Variants in NEMF observed in about 807,000 individuals in gnomAD.
The protein encoded by NEMF is nuclear export mediator factor, also known as ribosome quality control complex subunit NEMF.
Under a neutral mutation model 162.2 loss-of-function variants are expected in NEMF, and 89 were observed. The ratio of observed to expected loss-of-function variants is 0.55; its 90% CI spans 0.46 to 0.65. The LOEUF is 0.65. NEMF is among the 30% of genes least tolerant of loss of function. NEMF has a pLI of 0.00. For missense variants in NEMF, 1,133 were observed against 1,261.9 expected (o/e 0.90, Z 1.55); for synonymous variants, 421 against 404.5 (o/e 1.04, Z -0.49).
chr14:49,834,024 T>C (rs1487747337), intron 7 of NEMF: 2 of 418,134 alleles, frequency 4.8e-6, no homozygotes, highest in East Asian at 1.3e-4. Flanking sequence ...TGATTTAGTA[T>C]ATTGCAGAAA....
chr14:49,800,799 C>G (rs1890918449), intron 22 of NEMF, 103 bp from the exon 23 acceptor site: 1 of 1,138,576 alleles, frequency 8.8e-7, no homozygotes, highest in Non-Finnish European at 1.2e-6. Context: ...CCATATTTCT[C>G]CAAAAAATCA....
At chr14:49,823,410 C>T (rs1391321296) in intron 16 of NEMF, among the ~76,000 whole-genome samples, 2 of 147,902 alleles carry the variant, frequency 1.4e-5, no homozygotes, top group Non-Finnish European at 3.0e-5. Flanking sequence ...ATTCCAAGAA[C>T]CAAAAAAAAA....
At chr14:49,842,165 C>G (rs1388674840) in intron 4 of NEMF, among the ~76,000 whole-genome samples, 1 of 150,074 alleles carries the variant, frequency 6.7e-6, no homozygotes, top group African/African-American at 2.4e-5. Flanking sequence ...CCCAAACAGC[C>G]TAAATGTAAA....
At chr14:49,847,424 G>C (rs556057504) in intron 3 of NEMF, among the ~76,000 whole-genome samples, 1 of 150,278 alleles carries the variant, frequency 6.7e-6, no homozygotes, top group East Asian at 2.0e-4. Flanking sequence ...GGCTGGTCTC[G>C]AACTCCTGAG....
chr14:49,804,770 C>G (rs1891113380), intron 19 of NEMF, among the ~76,000 whole-genome samples: 2 of 152,284 alleles, frequency 1.3e-5, no homozygotes, highest in South Asian at 4.1e-4. Context: ...CTAGCTCATG[C>G]CTGTAATCCC....
chr14:49,793,951 G>A (rs1272313169), intron 26 of NEMF, among the ~76,000 whole-genome samples: 1 of 151,250 alleles, frequency 6.6e-6, no homozygotes, highest in Non-Finnish European at 1.5e-5. Context: ...AATTTTACTG[G>A]TGGTTCTTTA....
intron 29 of NEMF, 85 bp from the exon 30 acceptor site, chr14:49,785,405 A>G (rs147956886): frequency 5.5e-5 from 48 of 874,392 alleles, no homozygotes; most frequent in African/African-American, 4.7e-4. Flanking sequence ...GTATCTCAAC[A>G]TATTTTTTAT....
chr14:49,806,043 G>T lies in NEMF; in HGVS notation c.1835C>A (p.Ala612Asp). The change falls in exon 19 of 33, where the codon GCT (alanine) becomes GAT (aspartate). Residue 612 changes from alanine to aspartate, a missense_variant. Coordinates refer to ENST00000298310, the MANE Select transcript of NEMF (RefSeq NM_004713.6). ...AAWDARVITS[A>D]WWVYHHQVSK... ...TACCTGATGATGGTACACCCACCAAGCACTAGTGATAACTCGTGCATCCCA... is the reference window on the plus strand; with the variant it reads ...TACCTGATGATGGTACACCCACCAATCACTAGTGATAACTCGTGCATCCCA... The T allele has an allele frequency of 6.2e-7, 1 of 1,610,220 alleles. No homozygotes were observed. The highest frequency in any genetic ancestry group is 8.5e-7 in the Non-Finnish European group (1 of 1,178,132).
Position 49,840,769 on chromosome 14 carries a change from C to T in NEMF, c.455G>A (p.Arg152His), listed in dbSNP as rs752902504. The T allele has an allele frequency of 3.1e-6, 5 of 1,613,816 alleles. No homozygotes were observed. The highest frequency in any genetic ancestry group is 1.1e-5 in the South Asian group (1 of 91,086). The change falls in exon 5 of 33, where the codon CGC becomes CAC. Residue 152 changes from arginine (R) to histidine (H), a missense_variant. Around this residue, in one of 3 missense-constraint regions of NEMF, gnomAD observed 582 missense variants for 631.5 expected, o/e 0.92. Coordinates refer to ENST00000298310, the MANE Select transcript of NEMF (RefSeq NM_004713.6). ...AGCTCTAGCATGATCAAGTGGATAG[C>T]GTTCACGAACAGCAAATTTAACATC... ...ADDVKFAVRE[R>H]YPLDHARAAE...
chr14:49,835,731 G>A (rs1373617136), intron 6 of NEMF, among the ~76,000 whole-genome samples: 3 of 152,142 alleles, frequency 2.0e-5, no homozygotes, highest in African/African-American at 7.2e-5. Flanking sequence ...CTTATTCACA[G>A]ATGACATGAT....
In NEMF at chr14:49,784,960, T is replaced by C; in HGVS notation, c.3118A>G (p.Thr1040Ala). ...LNSFMHSKEA[T>A]AREKDLFRSV... ...CGGAATAAGTCTTTTTCTCTTGCTG[T>C]TGCTTCTTTGGAATGCATGAAACTA... Residue 1040 changes from threonine (T) to alanine (A), a missense_variant, in exon 32 of 33, where the codon ACA becomes GCA. By Grantham distance (58) the Thr-to-Ala change is moderately conservative (BLOSUM62 0). Transcript: ENST00000298310. 6.2e-7 allele frequency: 1 copy of C among 1,613,948 alleles called. No homozygotes were observed. The highest frequency in any genetic ancestry group is 2.2e-5 in the East Asian group (1 of 44,848).
At chr14:49,850,835 T>C (rs1052198990) in intron 3 of NEMF, among the ~76,000 whole-genome samples, 5 of 152,132 alleles carry the variant, frequency 3.3e-5, no homozygotes, top group Admixed American at 3.3e-4. Flanking sequence ...CCAAGAATGT[T>C]AGGCTATAGA....
chr14:49,819,497 G>A (rs1249207901), intron 16 of NEMF, among the ~76,000 whole-genome samples: 2 of 151,294 alleles, frequency 1.3e-5, no homozygotes, highest in Non-Finnish European at 1.5e-5. Context: ...TCACTGCAAC[G>A]TCTGCCTCCC....
Position 49,799,651 on chromosome 14 carries a change from C to T in NEMF, c.2400G>A (p.Glu800=). 1 of 1,612,110 alleles carries T rather than the reference C, an allele frequency of 6.2e-7. No individual in the cohort carries two copies. The highest frequency in any genetic ancestry group is 8.5e-7 in the Non-Finnish European group (1 of 1,179,350). The part of the protein sequence containing the change: ...QRSIQKLASK[E]ESSNSSDSKS... ...AATAGCTTACAGAATTAGAAGATTC[C>T]TCTTTTGAAGCCAATTTCTGGATGG... is the stretch of plus-strand genomic sequence containing the variant. Residue 800 remains glutamate (E), a synonymous_variant, in exon 24 of 33, where the codon GAG becomes GAA. Coordinates refer to ENST00000298310, the MANE Select transcript of NEMF (RefSeq NM_004713.6).
chr14:49,805,155 C>G (rs966813807), intron 19 of NEMF, among the ~76,000 whole-genome samples: 3 of 151,886 alleles, frequency 2.0e-5, no homozygotes, highest in African/African-American at 7.3e-5. Flanking sequence ...ATTTATAATC[C>G]CCCTATATGA....
intron 6 of NEMF, among the ~76,000 whole-genome samples, chr14:49,835,142 G>A (rs1403250002): frequency 1.3e-5 from 2 of 151,516 alleles, no homozygotes; most frequent in African/African-American, 4.8e-5. Context: ...GGAGGCTGTG[G>A]CGAGCCAAGA....
chr14:49,849,759 T>G (rs933749263), intron 3 of NEMF: 9 of 152,212 alleles, frequency 5.9e-5, no homozygotes, highest in Non-Finnish European at 1.0e-4. Context: ...ACAACTTAAA[T>G]GAAATACATA....
At position 49,782,955 on chromosome 14, in the gene NEMF, G is replaced by A; in HGVS notation, c.*1681C>T. 2.5e-6 allele frequency: 4 copies of A among 1,610,856 alleles called. No homozygotes were observed. Among genetic ancestry groups the A allele is most frequent in the Non-Finnish European group, 2.5e-6 (3 of 1,178,826 alleles). On this transcript the variant is annotated 3_prime_UTR_variant, in exon 33 of 33. Coordinates refer to ENST00000298310, the MANE Select transcript of NEMF (RefSeq NM_004713.6). ...AGTAACAACACTTCTGGATCTTAAGGCTTCATAAATAATGCCTATGATCAC... is the reference window on the plus strand; with the variant it reads ...AGTAACAACACTTCTGGATCTTAAGACTTCATAAATAATGCCTATGATCAC...
At chr14:49,837,843 A>T (rs1445070343) in intron 6 of NEMF, among the ~76,000 whole-genome samples, 1 of 151,988 alleles carries the variant, frequency 6.6e-6, no homozygotes, top group African/African-American at 2.4e-5. Flanking sequence ...ACCAAAAAAA[A>T]ACTAAGCTAA....
Sources: gnomAD v4.1 joint callset for allele counts (sites outside exome capture counted in the v4.1 genomes callset) on GRCh38, gnomAD v4.1.1 for gene constraint, gnomAD v4.1.1 regional missense constraint, MANE v1.5 for transcripts, NCBI Gene and HGNC (gene_info 2026-07-23, HGNC 2026-07-21) for gene names.